The following AUTS2 variants were observed in gnomAD, a reference collection of about 807,000 sequenced individuals.
The protein encoded by AUTS2 is activator of transcription and developmental regulator AUTS2.
A neutral mutation model predicts 112.4 loss-of-function variants in AUTS2; 17 were observed. That is an observed-to-expected ratio of 0.15 (90% confidence interval 0.10 to 0.23). The LOEUF (loss-of-function observed/expected upper bound fraction) is 0.23, where lower values mean the gene tolerates loss of function less well. Among genes scored for constraint, AUTS2 ranks in the 10% least tolerant of loss-of-function variants. AUTS2 has a pLI of 1.00. For synonymous variants in AUTS2, 751 were observed against 702.7 expected, an observed-to-expected ratio of 1.07 and a Z score of -1.09; for missense variants, 1,510 against 1,701.6, an observed-to-expected ratio of 0.89 and a Z score of 1.98.
intron 1 of AUTS2, among the ~76,000 whole-genome samples, chr7:69,825,426 G>A (rs1281366495): frequency 3.3e-5 from 5 of 152,020 alleles, no homozygotes; most frequent in East Asian, 1.9e-4. Flanking sequence ...GCTCTCCTCC[G>A]AAAGCACTGT....
intron 2 of AUTS2, among the ~76,000 whole-genome samples, chr7:70,080,600 G>A (rs1803254268): frequency 6.6e-6 from 1 of 152,156 alleles, no homozygotes; most frequent in Admixed American, 6.5e-5. Context: ...ATAAATAGGT[G>A]TACATCTATA....
At chr7:69,725,075 C>T (rs1024322864) in intron 1 of AUTS2, among the ~76,000 whole-genome samples, 1 of 152,172 alleles carries the variant, frequency 6.6e-6, no homozygotes, top group African/African-American at 2.4e-5. Context: ...TAAATTCTAA[C>T]TGCAGACTTA....
chr7:70,132,462 G>T (rs988901010), intron 3 of AUTS2, among the ~76,000 whole-genome samples: 2 of 152,096 alleles, frequency 1.3e-5, no homozygotes, highest in Non-Finnish European at 2.9e-5. Flanking sequence ...CAAGCCAATC[G>T]CCATGAAAAC....
intron 5 of AUTS2, among the ~76,000 whole-genome samples, chr7:70,652,307 A>G (rs563336903): frequency 1.5e-4 from 23 of 152,202 alleles, no homozygotes; most frequent in African/African-American, 4.8e-4. Flanking sequence ...CTTCTTCTCT[A>G]TTTGATTCGT....
chr7:69,899,512 G>C lies in AUTS2; in HGVS notation c.522+14G>C, dbSNP rs755942019. On this transcript the variant is annotated intron_variant, in intron 2 of 18. Coordinates refer to ENST00000342771, the MANE Select transcript of AUTS2 (RefSeq NM_015570.4). ...GCACTCAGACAGGTGAGGAAGCTTG[G>C]GTTCGCTCTTTCCTGTGGCGGCAAA... 1.2e-6 allele frequency: 2 copies of C among 1,613,292 alleles called. No homozygotes were observed. Among genetic ancestry groups the C allele is most frequent in the South Asian group, 2.2e-5 (2 of 91,000 alleles).
At chr7:70,231,433 G>T (rs1179086834) in intron 4 of AUTS2, among the ~76,000 whole-genome samples, 1 of 151,906 alleles carries the variant, frequency 6.6e-6, no homozygotes, top group African/African-American at 2.4e-5. Flanking sequence ...AATCTGTGTG[G>T]TTTTTTTGTT....
chr7:69,937,025 T>G (rs1250244984), intron 2 of AUTS2, among the ~76,000 whole-genome samples: 1 of 152,042 alleles, frequency 6.6e-6, no homozygotes, highest in Non-Finnish European at 1.5e-5. Flanking sequence ...CTCTTCTCAT[T>G]TGATATAACT....
At chr7:69,605,288 AAGCAGGAG>A (rs1266881111) in intron 1 of AUTS2, among the ~76,000 whole-genome samples, 1 of 152,168 alleles carries the variant, frequency 6.6e-6, no homozygotes, top group Non-Finnish European at 1.5e-5. Flanking sequence ...GCTGCTTCTT[AAGCAGGAG>A]TGGCAAGGGG....
Position 69,889,290 on chromosome 7 carries a change from C to T in AUTS2, c.310-9996C>T, listed in dbSNP as rs1794416044. 3.9e-5 allele frequency among the ~76,000 whole-genome samples: 6 copies of T among 152,292 alleles called. No homozygotes were observed. In the South Asian group the frequency reaches 1.2e-3, roughly 32 times the overall value. ...GCATGATGAAGTCATAGCCATTGTC[C>T]TTATGGAGGTAATTCTGAGTATTAC... On this transcript the variant is annotated intron_variant, in intron 1 of 18. Coordinates refer to ENST00000342771, the MANE Select transcript of AUTS2 (RefSeq NM_015570.4).
At chr7:70,561,954 G>A (rs1284174501) in intron 5 of AUTS2, among the ~76,000 whole-genome samples, 1 of 152,068 alleles carries the variant, frequency 6.6e-6, no homozygotes, top group African/African-American at 2.4e-5. Flanking sequence ...CCTCATGAAC[G>A]GCTTGGTGTC....
intron 6 of AUTS2, among the ~76,000 whole-genome samples, chr7:70,744,858 T>TAATAA (rs1010743568): frequency 3.3e-5 from 5 of 152,146 alleles, no homozygotes; most frequent in Non-Finnish European, 7.4e-5. Context: ...GGTGCTTATG[T>TAATAA]GCTCATGAGC....
chr7:70,536,121 A>C (rs1800305705), intron 5 of AUTS2, among the ~76,000 whole-genome samples: 2 of 152,144 alleles, frequency 1.3e-5, no homozygotes, highest in South Asian at 4.1e-4. Context: ...TGAGGTCAGG[A>C]GTTCGAAACC....
intron 4 of AUTS2, among the ~76,000 whole-genome samples, chr7:70,432,527 C>T (rs750311922): frequency 5.9e-5 from 9 of 152,164 alleles, no homozygotes; most frequent in East Asian, 5.8e-4. Context: ...GCCCATAAAC[C>T]GCTGCCAGTG....
intron 4 of AUTS2, among the ~76,000 whole-genome samples, chr7:70,271,709 A>G (rs1273885439): frequency 6.6e-6 from 1 of 152,194 alleles, no homozygotes; most frequent in Non-Finnish European, 1.5e-5. Flanking sequence ...CACATCACCC[A>G]TATCCCTGTC....
intron 5 of AUTS2, among the ~76,000 whole-genome samples, chr7:70,668,790 T>C (rs1215263609): frequency 6.6e-6 from 1 of 152,080 alleles, no homozygotes; most frequent in Non-Finnish European, 1.5e-5. Flanking sequence ...ATTCCGAAAA[T>C]AGACTTTACT....
intron 4 of AUTS2, among the ~76,000 whole-genome samples, chr7:70,153,311 G>A (rs1034558704): frequency 2.0e-5 from 3 of 152,040 alleles, no homozygotes; most frequent in African/African-American, 7.2e-5. Context: ...AAAAAAAGAA[G>A]CCACACAAAA....
chr7:69,838,972 C>G (rs947968630), intron 1 of AUTS2, among the ~76,000 whole-genome samples: 2 of 152,166 alleles, frequency 1.3e-5, no homozygotes, highest in Non-Finnish European at 2.9e-5. Flanking sequence ...TCCTAACCGG[C>G]AACAGATATT....
intron 1 of AUTS2, among the ~76,000 whole-genome samples, chr7:69,780,242 A>T (rs1283176866): frequency 2.6e-5 from 4 of 152,194 alleles, no homozygotes; most frequent in African/African-American, 9.7e-5. Context: ...TAATTTATCA[A>T]GTTTAATTGA....
At chr7:70,616,097 C>T (rs552105753) in intron 5 of AUTS2, among the ~76,000 whole-genome samples, 1 of 152,226 alleles carries the variant, frequency 6.6e-6, no homozygotes, top group South Asian at 2.1e-4. Flanking sequence ...AAAAAGACAA[C>T]AAAAAAGGTG....
Sources: allele counts gnomAD v4.1 joint callset (sites outside exome capture counted in the v4.1 genomes callset), GRCh38; gene constraint gnomAD v4.1.1; transcripts MANE v1.5; gene names NCBI Gene and HGNC (gene_info 2026-07-23, HGNC 2026-07-21).